The following DMXL2 variants were observed in gnomAD, a reference collection of about 807,000 sequenced individuals.
DMXL2 encodes dmX-like protein 2.
A neutral mutation model predicts 331.1 loss-of-function variants in DMXL2; 103 were observed. The ratio of observed to expected loss-of-function variants is 0.31; its 90% CI spans 0.27 to 0.37. DMXL2 has a LOEUF of 0.37. Among genes scored for constraint, DMXL2 ranks in the 10% least tolerant of loss-of-function variants. The pLI is 1.00. For missense variants in DMXL2, 3,171 were observed against 3,642.9 expected (o/e 0.87, Z 3.33); for synonymous variants, 1,281 against 1,252.1 (o/e 1.02, Z -0.49).
chr15:51,530,187 C>A (rs1357563844), intron 13 of DMXL2, among the ~76,000 whole-genome samples: 1 of 152,112 alleles, frequency 6.6e-6, no homozygotes, highest in African/African-American at 2.4e-5. Flanking sequence ...AGGATGCTCA[C>A]TTTCACCACT....
intron 25 of DMXL2, among the ~76,000 whole-genome samples, chr15:51,479,632 T>C (rs891718160): frequency 1.3e-5 from 2 of 152,264 alleles, no homozygotes; most frequent in South Asian, 4.1e-4. Flanking sequence ...TGTAAACAAA[T>C]AGTCATATTT....
At chr15:51,555,152 T>G (rs935386113) in intron 6 of DMXL2, among the ~76,000 whole-genome samples, 2 of 152,190 alleles carry the variant, frequency 1.3e-5, no homozygotes, top group Non-Finnish European at 2.9e-5. Context: ...TGAGAGACTC[T>G]GTCTCAAAAA....
rs776786543 is a variant in DMXL2 at position 51,476,704 on chromosome 15, T to G, written c.6849A>C (p.Gly2283=). Residue 2283 remains glycine (G), a synonymous_variant, in exon 27 of 44, where the codon GGA becomes GGC. Transcript: ENST00000560891. ...DSHSYSSQTE[G]NQFTGMAYQG... Reference sequence around the variant, plus strand: ...GATAAGCCATTCCTGTAAACTGATTTCCTTCTGTTTGACTGCTAAAACAAA... The same window carrying G: ...GATAAGCCATTCCTGTAAACTGATTGCCTTCTGTTTGACTGCTAAAACAAA... The G allele has an allele frequency of 6.2e-7, 1 of 1,600,914 alleles. No individual in the cohort carries two copies. The highest frequency in any genetic ancestry group is 1.3e-5 in the African/African-American group (1 of 74,116).
Position 51,449,047 on chromosome 15 carries a change from C to T in DMXL2, c.9114G>A (p.Thr3038=), listed in dbSNP as rs776116229. ...CATTGGGCAAAACCCTGGTTTTCAG[C>T]GTGCCATCTGCACCACAGGAGAAGA... The part of the protein sequence containing the change: ...NRLFSCGADG[T]LKTRVLPNAF... The change falls in exon 44 of 44, where the codon ACG becomes ACA. Residue 3038 remains threonine (T), a synonymous_variant. Transcript: ENST00000560891. 3.7e-6 allele frequency: 6 copies of T among 1,614,044 alleles called. No homozygotes were observed. The highest frequency in any genetic ancestry group is 3.3e-5 in the Admixed American group (2 of 59,992).
chr15:51,447,957 C>T lies in DMXL2; in HGVS notation c.*1027G>A, dbSNP rs1253916542. Reference sequence around the variant, plus strand: ...ATTTGCTGGTAAACATTTAAACACACAGACATTAGTTTCAGTATCTCAACA... The same window carrying T: ...ATTTGCTGGTAAACATTTAAACACATAGACATTAGTTTCAGTATCTCAACA... On this transcript the variant is annotated 3_prime_UTR_variant, in exon 44 of 44. Coordinates refer to ENST00000560891, the MANE Select transcript of DMXL2 (RefSeq NM_001378457.1). 1 of 152,648 alleles carries T rather than the reference C, an allele frequency of 6.6e-6. No individual in the cohort carries two copies. Among genetic ancestry groups the T allele is most frequent in the Non-Finnish European group, 1.5e-5 (1 of 68,048 alleles). The allele number at this position is 152,648 out of a possible 1,614,324, so 9.5% of individuals were successfully genotyped here. A position where few individuals can be genotyped will look rare whatever the true frequency, so the allele number is the denominator to read the frequency against.
chr15:51,466,023 T>C (rs2040535298), intron 30 of DMXL2, among the ~76,000 whole-genome samples, 161 bp downstream of exon 30: 1 of 152,182 alleles, frequency 6.6e-6, no homozygotes, highest in African/African-American at 2.4e-5. Context: ...GAAAACACTA[T>C]GTAGACATTG....
At position 51,547,388 on chromosome 15, in the gene DMXL2, C is replaced by G; in HGVS notation, c.588G>C (p.Val196=). The G allele has an allele frequency of 1.3e-6, 2 of 1,589,784 alleles. No individual in the cohort carries two copies. The highest frequency in any genetic ancestry group is 1.7e-6 in the Non-Finnish European group (2 of 1,172,260). ...TAGKDDCLLK[V]WYPMTGWKSS... ...ACTTCCAACCAGTCATAGGATACCACACTTTCAAAAGACAATCATCCTGAA... is the reference window on the plus strand; with the variant it reads ...ACTTCCAACCAGTCATAGGATACCAGACTTTCAAAAGACAATCATCCTGAA... Residue 196 remains valine, a synonymous_variant, in exon 7 of 44, where the codon GTG becomes GTC. Transcript: ENST00000560891.
rs1456489606 is a variant in DMXL2 at position 51,481,540 on chromosome 15, C to A, written c.5566G>T (p.Ala1856Ser). Residue 1856 changes from alanine to serine, a missense_variant, in exon 24 of 44, where the codon GCC becomes TCC. Ala to Ser is a moderately conservative substitution (Grantham distance 99). Coordinates refer to ENST00000560891, the MANE Select transcript of DMXL2 (RefSeq NM_001378457.1). ...GTTGCCAAAGTTCCTTCAGGGGAGG[C>A]AAGATTTCTTCGAATGAGCAAAGGA... ...THPLLIRRNL[A>S]SPEGTLATLG... is the part of the protein sequence containing the mutation. The A allele has an allele frequency of 6.2e-7, 1 of 1,611,190 alleles. No homozygotes were observed. Among genetic ancestry groups the A allele is most frequent in the African/African-American group, 1.3e-5 (1 of 74,630 alleles).
intron 25 of DMXL2, among the ~76,000 whole-genome samples, 172 bp downstream of exon 25, chr15:51,479,776 G>A (rs1312276764): frequency 6.6e-6 from 1 of 152,188 alleles, no homozygotes; most frequent in African/African-American, 2.4e-5. Flanking sequence ...TTCTCCAGAA[G>A]TAAGAACACT....
intron 2 of DMXL2, 133 bp from the exon 3 acceptor site, chr15:51,568,691 A>G (rs1465844476): frequency 3.1e-6 from 2 of 642,094 alleles, no homozygotes; most frequent in African/African-American, 2.0e-5. Context: ...TTCCATAAAT[A>G]TACCTGGAAG....
chr15:51,582,520 T>A (rs2051502714), intron 1 of DMXL2, among the ~76,000 whole-genome samples: 1 of 152,160 alleles, frequency 6.6e-6, no homozygotes, highest in Non-Finnish European at 1.5e-5. Flanking sequence ...AAGAGGCCAG[T>A]GTTGACATAT....
intron 14 of DMXL2, among the ~76,000 whole-genome samples, chr15:51,516,376 A>G (rs8024233): frequency 0.75 from 114,658 of 152,136 alleles, 43,682 homozygotes; most frequent in African/African-American, 0.83. Flanking sequence ...TGTCCACTTG[A>G]ATCTGACTTT....
At chr15:51,486,466 A>T in intron 22 of DMXL2, 129 bp from the exon 23 acceptor site, 1 of 712,208 alleles carries the variant, frequency 1.4e-6, no homozygotes, top group Non-Finnish European at 2.2e-6. Context: ...AGTGAAGGGT[A>T]GTTAAATGAT....
intron 13 of DMXL2, among the ~76,000 whole-genome samples, chr15:51,524,841 A>G (rs1452816814): frequency 1.3e-5 from 2 of 152,008 alleles, no homozygotes; most frequent in Non-Finnish European, 2.9e-5. Context: ...CAACTCCTAG[A>G]TGAGTCCTAG....
In DMXL2 at chr15:51,536,460, G is replaced by A. The variant is rs770098718; in HGVS notation, c.2020C>T (p.Leu674=). 6.2e-7 allele frequency: 1 copy of A among 1,613,888 alleles called. No individual in the cohort carries two copies. The highest frequency in any genetic ancestry group is 1.7e-5 in the Admixed American group (1 of 59,966). The stretch of plus-strand genomic sequence containing the variant: ...TGACAATCTAATTCAGGAGTCAATA[G>A]AGCATTATGATGAGAGGATGTCAAT... The part of the protein sequence containing the change: ...LLLTSSHHNA[L]LTPELDCQWD... Residue 674 remains leucine, a synonymous_variant, in exon 12 of 44, where the codon CTA becomes TTA. Transcript: ENST00000560891.
At chr15:51,619,097 G>A (rs1302414750) in intron 1 of DMXL2, among the ~76,000 whole-genome samples, 3 of 152,030 alleles carry the variant, frequency 2.0e-5, no homozygotes, top group South Asian at 2.1e-4. Flanking sequence ...AATAGCCAAG[G>A]ACTATCTTTC....
intron 15 of DMXL2, among the ~76,000 whole-genome samples, chr15:51,508,177 G>T (rs1383537978): frequency 6.6e-6 from 1 of 152,058 alleles, no homozygotes; most frequent in Non-Finnish European, 1.5e-5. Flanking sequence ...GGGCCTGTTT[G>T]GGGGTAGGGG....
rs575678105 is a variant in DMXL2, at chr15:51,620,295, A to G, written c.87+2164T>C. Among the ~76,000 whole-genome samples, 5 of 152,292 alleles carry G rather than the reference A, an allele frequency of 3.3e-5. No individual in the cohort carries two copies. In the East Asian group the frequency reaches 9.6e-4, roughly 29 times the overall value. On this transcript the variant is annotated intron_variant, in intron 1 of 43. Coordinates refer to ENST00000560891, the MANE Select transcript of DMXL2 (RefSeq NM_001378457.1). ...GTAGTTAAATGAGATGGTGTGCAAA[A>G]TGGGTTTGTATTTACATTTGTCAAA...
At chr15:51,459,007 A>G (rs1438139038) in intron 34 of DMXL2, 4 of 541,864 alleles carry the variant, frequency 7.4e-6, no homozygotes, top group Non-Finnish European at 1.3e-5. Flanking sequence ...AATCACCCCA[A>G]TTTCCACTGT....
Sources: allele counts gnomAD v4.1 joint callset (sites outside exome capture counted in the v4.1 genomes callset), GRCh38; gene constraint gnomAD v4.1.1; transcripts MANE v1.5; gene names NCBI Gene and HGNC (gene_info 2026-07-23, HGNC 2026-07-21).